Variants in EPHA10 observed in about 807,000 individuals in gnomAD.
EPHA10 encodes ephrin type-A receptor 10.
Under a neutral mutation model 109.7 loss-of-function variants are expected in EPHA10, and 120 were observed. The ratio of observed to expected loss-of-function variants is 1.09; its 90% CI spans 0.94 to 1.27. The LOEUF is 1.27. EPHA10 is among the 50% of genes most tolerant of loss of function. EPHA10 has a pLI of 0.00. For synonymous variants in EPHA10, 640 were observed against 618.9 expected, an observed-to-expected ratio of 1.03 and a Z score of -0.51; for missense variants, 1,396 against 1,411.1, an observed-to-expected ratio of 0.99 and a Z score of 0.17.
intron 15 of EPHA10, 128 bp from the exon 16 acceptor site, chr1:37,718,944 C>G (rs1157780916): frequency 1.3e-5 from 16 of 1,251,964 alleles, no homozygotes; most frequent in Middle Eastern, 2.7e-4. Flanking sequence ...AGGGCTGGAT[C>G]TGGCTCACAT....
intron 14 of EPHA10, 90 bp from the exon 15 acceptor site, chr1:37,719,697 G>GACAC: frequency 7.1e-7 from 1 of 1,414,896 alleles, no homozygotes; most frequent in Non-Finnish European, 9.8e-7. Context: ...CACAGACACA[G>GACAC]ACACACACAC....
intron 5 of EPHA10, among the ~76,000 whole-genome samples, chr1:37,740,650 A>T (rs1488995413): frequency 1.3e-5 from 2 of 152,126 alleles, no homozygotes; most frequent in Non-Finnish European, 1.5e-5. Flanking sequence ...GCGTGCAGAC[A>T]AGTTTGAGAA....
chr1:37,745,561 C>T (rs566748115), intron 5 of EPHA10, among the ~76,000 whole-genome samples: 33 of 152,176 alleles, frequency 2.2e-4, no homozygotes, highest in Non-Finnish European at 4.4e-4. Flanking sequence ...ACAAAGGTGG[C>T]TTTCAAGCCA....
At chr1:37,739,313 T>C (rs1243101261) in intron 5 of EPHA10, among the ~76,000 whole-genome samples, 1 of 152,130 alleles carries the variant, frequency 6.6e-6, no homozygotes, top group Non-Finnish European at 1.5e-5. Context: ...AAAAGACAAA[T>C]ACTGCATGAT....
At position 37,761,611 on chromosome 1, in the gene EPHA10, A is replaced by C. The variant is rs1485307064; in HGVS notation, c.644T>G (p.Val215Gly). ...RVYYKQCRAT[V>G]RGLATFPATA... The stretch of plus-strand genomic sequence containing the variant: ...GGCTGGGAACGTGGCCAGGCCCCGC[A>C]CGGTGGCGCGGCACTGCTTGTAGTA... Residue 215 changes from valine to glycine, a missense_variant, in exon 3 of 17, where the codon GTG becomes GGG. Physicochemically the swap from Val to Gly is moderately radical, Grantham distance 109. Coordinates refer to ENST00000373048, the MANE Select transcript of EPHA10 (RefSeq NM_001099439.2). The C allele has an allele frequency of 1.2e-6, 2 of 1,602,970 alleles. No homozygotes were observed. The highest frequency in any genetic ancestry group is 1.7e-6 in the Non-Finnish European group (2 of 1,179,148).
rs755898194 is a variant in EPHA10, at chr1:37,765,114, G to A, written c.-48C>T. ...TCCGGCGGCGGCTCAAGCCGCGCCA[G>A]CCTAGCACCGCTGAGCAATGCCCCC... On this transcript the variant is annotated 5_prime_UTR_variant, in exon 1 of 17. Coordinates refer to ENST00000373048, the MANE Select transcript of EPHA10 (RefSeq NM_001099439.2). 3 of 1,508,740 alleles carry A rather than the reference G, an allele frequency of 2.0e-6. No individual in the cohort carries two copies. Among genetic ancestry groups the A allele is most frequent in the Non-Finnish European group, 2.7e-6 (3 of 1,115,282 alleles). 93.5% of individuals were successfully genotyped at this position (1,508,740 alleles called of 1,614,324 possible).
intron 7 of EPHA10, among the ~76,000 whole-genome samples, chr1:37,730,991 C>G (rs113984815): frequency 6.6e-6 from 1 of 152,114 alleles, no homozygotes; most frequent in Admixed American, 6.5e-5. Flanking sequence ...CGCGCCTGGC[C>G]GCAATCCTTA....
chr1:37,748,847 G>A (rs80132844), intron 5 of EPHA10, among the ~76,000 whole-genome samples: 2,776 of 151,398 alleles, frequency 0.018, 97 homozygotes, highest in African/African-American at 0.064. Flanking sequence ...AGGGATTAAA[G>A]GCACAGGGCT....
Position 37,718,750 on chromosome 1 carries a change from C to T in EPHA10, c.2823G>A (p.Trp941Ter). The T allele has an allele frequency of 6.2e-7, 1 of 1,613,136 alleles. No homozygotes were observed. Residue 941 changes from tryptophan (W) to a stop codon, truncating the protein, a stop_gained, in exon 16 of 17, where the codon TGG becomes TGA. Coordinates refer to ENST00000373048, the MANE Select transcript of EPHA10 (RefSeq NM_001099439.2). LOFTEE classifies it high-confidence loss of function. ...TFPSFGSVGA[W>*]LEALDLCRYK... ...AGCGGCACAGGTCCAGGGCCTCCAG[C>T]CACGCGCCCACAGAGCCAAAGGAGG... is the stretch of plus-strand genomic sequence containing the variant.
chr1:37,740,112 T>C (rs897759476), intron 5 of EPHA10, among the ~76,000 whole-genome samples: 2 of 151,858 alleles, frequency 1.3e-5, no homozygotes, highest in Admixed American at 1.3e-4. Context: ...GGAAAAAAAT[T>C]ATATCCTTTG....
rs1418516841 is a variant in EPHA10, at chr1:37,753,151, G to T, written c.1082C>A (p.Pro361Gln). Reference protein sequence around the residue: ...SPLVLRLRWLPPADSGGRSDV... With the variant: ...SPLVLRLRWLQPADSGGRSDV... The stretch of plus-strand genomic sequence containing the variant: ...CGAGCGGCCTCCCGAGTCGGCCGGC[G>T]GCAGCCAGCGCAGTCGCAGCACCAG... Residue 361 changes from proline (P) to glutamine (Q), a missense_variant, in exon 5 of 17, where the codon CCG (proline) becomes CAG (glutamine). Physicochemically the swap from Pro to Gln is moderately conservative, Grantham distance 76 (BLOSUM62 -1). Transcript: ENST00000373048. 11 of 1,408,466 alleles carry T rather than the reference G, an allele frequency of 7.8e-6. No individual in the cohort carries two copies. Among genetic ancestry groups the T allele is most frequent in the Non-Finnish European group, 9.2e-6 (10 of 1,081,358 alleles). The allele number at this position is 1,408,466 out of a possible 1,614,324, so 87.2% of individuals were successfully genotyped here. A position where few individuals can be genotyped will look rare whatever the true frequency, so the allele number is the denominator to read the frequency against.
At chr1:37,755,167 C>A (rs1646382960) in intron 3 of EPHA10, among the ~76,000 whole-genome samples, 1 of 152,284 alleles carries the variant, frequency 6.6e-6, no homozygotes, top group East Asian at 1.9e-4. Flanking sequence ...TACTCTCCCG[C>A]AGCCTGTGGG....
intron 8 of EPHA10, among the ~76,000 whole-genome samples, chr1:37,726,095 G>A (rs756832512): frequency 1.3e-5 from 2 of 152,242 alleles, no homozygotes; most frequent in African/African-American, 4.8e-5. Context: ...CTGCCCGGAA[G>A]AGGGGCTCTT....
At position 37,720,853 on chromosome 1, in the gene EPHA10, A is replaced by T; in HGVS notation, c.2147-9T>A. On this transcript the variant is annotated splice_polypyrimidine_tract_variant and intron_variant, in intron 11 of 16. Transcript: ENST00000373048. ...AATCATCAAGGTGCTTCCTGTGCCC[A>T]GGGATGGGAACACACATGCTAAGTT... 6.2e-7 allele frequency: 1 copy of T among 1,614,030 alleles called. No individual in the cohort carries two copies. The highest frequency in any genetic ancestry group is 1.1e-5 in the South Asian group (1 of 91,080).
At position 37,748,918 on chromosome 1, in the gene EPHA10, C is replaced by CTTTTT. The variant is rs55656984; in HGVS notation, c.1357+3953_1357+3957dup. On this transcript the variant is annotated intron_variant, in intron 5 of 16. Coordinates refer to ENST00000373048, the MANE Select transcript of EPHA10 (RefSeq NM_001099439.2). ...TAAGATGAGTTTCCTTTCTTTTCAT[C>CTTTTT]TTTTTTTTTTTTTTTTTTTTTTGAG... Among the ~76,000 whole-genome samples the CTTTTT allele has an allele frequency of 3.2e-3, 304 of 95,282 alleles. 1 individual carries two copies. Among genetic ancestry groups the CTTTTT allele is most frequent in the East Asian group, 3.9e-3 (12 of 3,072 alleles). The allele number at this position is 95,282 out of a possible 152,430, so 62.5% of individuals were successfully genotyped here. A position where few individuals can be genotyped will look rare whatever the true frequency, so the allele number is the denominator to read the frequency against.
intron 15 of EPHA10, 45 bp from the exon 16 acceptor site, chr1:37,718,861 G>T: frequency 6.4e-7 from 1 of 1,561,842 alleles, no homozygotes; most frequent in South Asian, 1.2e-5. Flanking sequence ...TGGGATCTGG[G>T]CCCACACCTG....
At chr1:37,762,286 C>A (rs777725117) in intron 2 of EPHA10, among the ~76,000 whole-genome samples, 1 of 152,192 alleles carries the variant, frequency 6.6e-6, no homozygotes, top group Non-Finnish European at 1.5e-5. Context: ...AGAGGGAGAG[C>A]GATCTGACCA....
At chr1:37,723,441 G>A in intron 8 of EPHA10, 69 bp from the exon 9 acceptor site, 24 of 1,543,122 alleles carry the variant, frequency 1.6e-5, no homozygotes, top group Non-Finnish European at 2.1e-5. Context: ...GAGCACTGAG[G>A]GCAGCACCTC....
At position 37,719,930 on chromosome 1, in the gene EPHA10, G is replaced by C; in HGVS notation, c.2541C>G (p.Tyr847Ter). ...WEVMAFGERP[Y>*]WDMSGQDVIK... ...TCACGTCTTGGCCAGACATGTCCCAGTAAGGCCGCTCCCCAAAGGCCATCA... is the reference window on the plus strand; with the variant it reads ...TCACGTCTTGGCCAGACATGTCCCACTAAGGCCGCTCCCCAAAGGCCATCA... Residue 847 changes from tyrosine (Y) to a stop codon, truncating the protein, a stop_gained, in exon 14 of 17, where the codon TAC becomes TAG. Coordinates refer to ENST00000373048, the MANE Select transcript of EPHA10 (RefSeq NM_001099439.2). LOFTEE classifies it high-confidence loss of function. 1.9e-6 allele frequency: 3 copies of C among 1,614,028 alleles called. No homozygotes were observed. Among genetic ancestry groups the C allele is most frequent in the Non-Finnish European group, 2.5e-6 (3 of 1,180,022 alleles).
Sources: gnomAD v4.1 joint callset for allele counts (sites outside exome capture counted in the v4.1 genomes callset) on GRCh38, gnomAD v4.1.1 for gene constraint, MANE v1.5 for transcripts, NCBI Gene and HGNC (gene_info 2026-07-23, HGNC 2026-07-21) for gene names.